STRC: variants seen among roughly 807,000 people sequenced by gnomAD.
STRC encodes the protein stereocilin.
Under a neutral mutation model 103.5 loss-of-function variants are expected in STRC, and 43 were observed. The ratio of observed to expected loss-of-function variants is 0.42; its 90% CI spans 0.33 to 0.54. The LOEUF (loss-of-function observed/expected upper bound fraction) is 0.54, where lower values mean the gene tolerates loss of function less well. Among genes scored for constraint, STRC ranks in the 20% least tolerant of loss-of-function variants. The pLI, the probability that STRC is intolerant of heterozygous loss-of-function variation, is 0.14. For synonymous variants in STRC, 186 were observed against 442.3 expected, an observed-to-expected ratio of 0.42 and a Z score of 7.27; for missense variants, 499 against 1,088.5, an observed-to-expected ratio of 0.46 and a Z score of 7.62.
At position 43,600,029 on chromosome 15, in the gene STRC, G is replaced by C; in HGVS notation, c.5170C>G (p.Leu1724Val). ...ACTGCTCGTCGCTGCTCAGGACTCA[G>C]AAAGGCCATTTGCTCAGGAGTGACA... ...VAVTPEQMAF[L>V]SPEQRRAVAW... Residue 1724 changes from leucine (L) to valine (V), a missense_variant, in exon 28 of 29, where the codon CTG becomes GTG. By Grantham distance (32) the Leu-to-Val change is conservative. Transcript: ENST00000450892. 6.2e-7 allele frequency: 1 copy of C among 1,611,428 alleles called. No homozygotes were observed. Among genetic ancestry groups the C allele is most frequent in the Non-Finnish European group, 8.5e-7 (1 of 1,179,174 alleles).
In STRC at chr15:43,618,008, C is replaced by T; in HGVS notation, c.413G>A (p.Gly138Asp). The change falls in exon 2 of 29, where the codon GGT becomes GAT. Residue 138 changes from glycine to aspartate, a missense_variant. Physicochemically the swap from Gly to Asp is moderately conservative, Grantham distance 94 (BLOSUM62 -1). Coordinates refer to ENST00000450892, the MANE Select transcript of STRC (RefSeq NM_153700.2). ...TCCCAGCAGCACCTCCACAAGTCCA[C>T]CCAGCACCCCTGCCTGGTGCACCAG... ...DFLVHQAGVLGGLVEVLLGAL... is the reference protein window; with the variant it reads ...DFLVHQAGVLDGLVEVLLGAL... 1 of 1,610,212 alleles carries T rather than the reference C, an allele frequency of 6.2e-7. No individual in the cohort carries two copies. The highest frequency in any genetic ancestry group is 8.5e-7 in the Non-Finnish European group (1 of 1,178,372).
chr15:43,604,281 C>T, intron 21 of STRC, 80 bp downstream of exon 21: 1 of 1,596,568 alleles, frequency 6.3e-7, no homozygotes, highest in East Asian at 2.2e-5. Flanking sequence ...ATCCTTTGCC[C>T]TCTTTGGCCA....
At chr15:43,603,872 C>G (rs1202585826) in intron 22 of STRC, 124 bp downstream of exon 22, 14 of 1,511,974 alleles carry the variant, frequency 9.3e-6, no homozygotes, top group Admixed American at 4.1e-5. Flanking sequence ...TGAAGATCAT[C>G]CCTCTAAACT....
rs771352651 is a variant in STRC at position 43,608,067 on chromosome 15, C to T, written c.3681+13G>A. ...CTCCCTGCTCCCACTAAAGTCCAGG[C>T]ACCCCCTCTCACCAGGCTCCCTCGA... On this transcript the variant is annotated intron_variant, in intron 17 of 28. Coordinates refer to ENST00000450892, the MANE Select transcript of STRC (RefSeq NM_153700.2). 4.3e-6 allele frequency: 7 copies of T among 1,610,626 alleles called. No homozygotes were observed. In the Admixed American group the frequency reaches 8.4e-5, roughly 19 times the overall value.
At chr15:43,602,163 A>T (rs1408855720) in intron 23 of STRC, among the ~76,000 whole-genome samples, 1 of 145,718 alleles carries the variant, frequency 6.9e-6, no homozygotes, top group Admixed American at 6.8e-5. Context: ...GCAGATGTCT[A>T]GACTCTTTCC....
Position 43,609,293 on chromosome 15 carries a change from A to G in STRC, c.3540T>C (p.Leu1180=). ...LWKKMQVPTN[L]TLRNLQALGT... ...TTACTCACTGCAGATTCCTGAGGGT[A>G]AGGTTGGTGGGTACTTGCATCTTCT... The change falls in exon 16 of 29, where the codon CTT becomes CTC. Residue 1180 remains leucine, a synonymous_variant. Coordinates refer to ENST00000450892, the MANE Select transcript of STRC (RefSeq NM_153700.2). 2 of 1,609,550 alleles carry G rather than the reference A, an allele frequency of 1.2e-6. No individual in the cohort carries two copies. Among genetic ancestry groups the G allele is most frequent in the African/African-American group, 1.4e-5 (1 of 72,638 alleles).
rs747491353 is a variant in STRC, at chr15:43,604,696, A to T, written c.4081T>A (p.Phe1361Ile). The change falls in exon 20 of 29, where the codon TTT (phenylalanine) becomes ATT (isoleucine). Residue 1361 changes from phenylalanine to isoleucine, a missense_variant. Physicochemically the swap from Phe to Ile is conservative, Grantham distance 21 (BLOSUM62 0). Coordinates refer to ENST00000450892, the MANE Select transcript of STRC (RefSeq NM_153700.2). ...AGCAGCCATCCCAGCTCTGTGGCAA[A>T]TGTCTCTCCTAGGCAGAAGCCTTGC... ...QLQGFCLGET[F>I]ATELGWLLLQ... The T allele has an allele frequency of 3.1e-6, 5 of 1,613,612 alleles. No homozygotes were observed. Among genetic ancestry groups the T allele is most frequent in the Non-Finnish European group, 4.2e-6 (5 of 1,179,686 alleles).
intron 21 of STRC, 28 bp from the exon 22 acceptor site, chr15:43,604,180 G>A (rs775998282): frequency 4.4e-6 from 7 of 1,607,860 alleles, no homozygotes; most frequent in Non-Finnish European, 5.9e-6. Flanking sequence ...AGGAGAGTGG[G>A]GAGATCTGGA....
intron 23 of STRC, 143 bp downstream of exon 23, chr15:43,603,099 C>T: frequency 1.2e-6 from 1 of 849,948 alleles, no homozygotes; most frequent in East Asian, 2.6e-5. Context: ...TCTCCCTTCA[C>T]CTCCTACTTG....
intron 18 of STRC, 136 bp from the exon 19 acceptor site, chr15:43,605,535 A>G (rs912425448): frequency 1.0e-5 from 15 of 1,453,856 alleles, no homozygotes; most frequent in Non-Finnish European, 1.2e-5. Context: ...AACTGATAGT[A>G]AACAGCTCCA....
At position 43,600,677 on chromosome 15, in the gene STRC, G is replaced by C; in HGVS notation, c.4850C>G (p.Ala1617Gly). The change falls in exon 26 of 29, where the codon GCA (alanine) becomes GGA (glycine). Residue 1617 changes from alanine to glycine, a missense_variant. Transcript: ENST00000450892. ...QHISSWEFSQ[A>G]ALFLGTLHLQ... The stretch of plus-strand genomic sequence containing the variant: ...ATGCAGGGTGCCGAGGAAGAGAGCT[G>C]CTTGGCTGTAGAACAGTAGGAAGGA... The C allele has an allele frequency of 6.2e-7, 1 of 1,613,538 alleles. No individual in the cohort carries two copies. The highest frequency in any genetic ancestry group is 8.5e-7 in the Non-Finnish European group (1 of 1,179,802).
At chr15:43,604,559 T>A in intron 20 of STRC, 91 bp downstream of exon 20, 1 of 1,612,494 alleles carries the variant, frequency 6.2e-7, no homozygotes, top group South Asian at 1.1e-5. Context: ...CCAGGGGACC[T>A]TAAGAATATG....
intron 26 of STRC, 66 bp from the exon 27 acceptor site, chr15:43,600,359 C>T (rs2141518020): frequency 3.7e-6 from 3 of 802,052 alleles, no homozygotes; most frequent in East Asian, 5.3e-5. Flanking sequence ...AACCTATAGA[C>T]CTTCTCTAAC....
chr15:43,601,260 T>C (rs993308878), intron 24 of STRC, 136 bp downstream of exon 24: 55 of 1,354,428 alleles, frequency 4.1e-5, no homozygotes, highest in Non-Finnish European at 5.5e-5. Context: ...GTCACTAGTA[T>C]GGGGTATCAA....
At chr15:43,605,225 C>T in intron 19 of STRC, 39 bp downstream of exon 19, 3 of 1,577,004 alleles carry the variant, frequency 1.9e-6, no homozygotes, top group Non-Finnish European at 2.6e-6. Flanking sequence ...AAGAATTGCC[C>T]AGGGCAGCAA....
chr15:43,604,413 G>C lies in STRC; in HGVS notation c.4166C>G (p.Ala1389Gly). 6.3e-7 allele frequency: 1 copy of C among 1,587,228 alleles called. No homozygotes were observed. The highest frequency in any genetic ancestry group is 8.6e-7 in the Non-Finnish European group (1 of 1,163,606). The change falls in exon 21 of 29, where the codon GCT becomes GGT. Residue 1389 changes from alanine to glycine, a missense_variant. Coordinates refer to ENST00000450892, the MANE Select transcript of STRC (RefSeq NM_153700.2). ...AGACAGAGTGAATACTAGGCGTCCA[G>C]CTTGCTCTACTTCATCCTGGCTCCA... Reference protein sequence around the residue: ...ELWSQDEVEQAGRLVFTLSTE... With the variant: ...ELWSQDEVEQGGRLVFTLSTE...
intron 20 of STRC, 40 bp downstream of exon 20, chr15:43,604,610 A>G: frequency 1.9e-6 from 3 of 1,613,172 alleles, no homozygotes; most frequent in Non-Finnish European, 2.5e-6. Flanking sequence ...GGGACTGGGT[A>G]TAGAATGAGT....
chr15:43,601,654 T>C, intron 23 of STRC, 103 bp from the exon 24 acceptor site: 1 of 1,236,670 alleles, frequency 8.1e-7, no homozygotes, highest in Non-Finnish European at 1.2e-6. Flanking sequence ...TAACTCTAGG[T>C]AAATCATTTG....
chr15:43,607,134 C>T (rs1006921862), intron 18 of STRC, among the ~76,000 whole-genome samples: 2 of 142,038 alleles, frequency 1.4e-5, no homozygotes, highest in African/African-American at 2.7e-5. Context: ...CGGATGGCAA[C>T]GGGGTGGTGG....
Sources: gnomAD v4.1 joint callset for allele counts (sites outside exome capture counted in the v4.1 genomes callset) on GRCh38, gnomAD v4.1.1 for gene constraint, MANE v1.5 for transcripts, NCBI Gene and HGNC (gene_info 2026-07-23, HGNC 2026-07-21) for gene names.